Variants in CMIP observed in about 807,000 individuals in gnomAD.
CMIP encodes C-Maf-inducing protein.
In CMIP, 13 loss-of-function variants were observed where a neutral mutation model predicts 97.3. The observed-to-expected ratio is 0.13, with a 90% confidence interval of 0.09 to 0.21. The LOEUF (loss-of-function observed/expected upper bound fraction) is 0.21. CMIP is among the 10% of genes least tolerant of loss of function. The pLI is 1.00. For synonymous variants in CMIP, 538 were observed against 436.3 expected (o/e 1.23, Z -2.91); for missense variants, 847 against 1,024.9 (o/e 0.83, Z 2.37).
chr16:81,650,636 C>A (rs1366100169), intron 3 of CMIP, among the ~76,000 whole-genome samples: 3 of 152,118 alleles, frequency 2.0e-5, no homozygotes, highest in Non-Finnish European at 4.4e-5. Context: ...TTTTACGTTT[C>A]ATCTCCTTCA....
chr16:81,698,006 C>A (rs967326923), intron 14 of CMIP: 1 of 142,318 alleles, frequency 7.0e-6, no homozygotes, highest in Non-Finnish European at 1.5e-5. Context: ...CCCGCCCCCG[C>A]CCCCACCCTA....
chr16:81,481,530 G>A (rs1227641346), intron 1 of CMIP, among the ~76,000 whole-genome samples: 2 of 152,212 alleles, frequency 1.3e-5, no homozygotes, highest in Admixed American at 6.5e-5. Flanking sequence ...GAGCATCTGC[G>A]TGGGATGGGG....
rs2092468243 is a variant in CMIP at position 81,655,103 on chromosome 16, C to T, written c.640-2672C>T. 6.6e-6 allele frequency among the ~76,000 whole-genome samples: 1 copy of T among 152,190 alleles called. No homozygotes were observed. The highest frequency in any genetic ancestry group is 2.4e-5 in the African/African-American group (1 of 41,458). On this transcript the variant is annotated intron_variant, in intron 4 of 20. Transcript: ENST00000537098. This position sits in a 1 kb window ranked among gnomAD's most constrained non-coding sequence, Gnocchi z 4.9. Reference sequence around the variant, plus strand: ...TGCAAGGGCCTTTGATACATGGCCACATTTTCATTGTCATAGGAGATGTCT... The same window carrying T: ...TGCAAGGGCCTTTGATACATGGCCATATTTTCATTGTCATAGGAGATGTCT...
At chr16:81,534,126 C>G (rs950147259) in intron 1 of CMIP, among the ~76,000 whole-genome samples, 4 of 152,232 alleles carry the variant, frequency 2.6e-5, no homozygotes, top group African/African-American at 7.2e-5. Context: ...CCCGGGCAGC[C>G]TGTGGCCAGG....
chr16:81,446,679 C>T (rs904074381), intron 1 of CMIP, among the ~76,000 whole-genome samples: 1 of 152,138 alleles, frequency 6.6e-6, no homozygotes, highest in African/African-American at 2.4e-5. Context: ...AAAACCCAGC[C>T]AGGAAATAGG....
chr16:81,679,279 T>G (rs1161169548), intron 10 of CMIP, among the ~76,000 whole-genome samples: 1 of 150,416 alleles, frequency 6.6e-6, no homozygotes, highest in East Asian at 1.9e-4. Context: ...GTGTGTGTGT[T>G]AAATGCACAG....
At chr16:81,539,313 G>C (rs1007160549) in intron 1 of CMIP, among the ~76,000 whole-genome samples, 1 of 152,232 alleles carries the variant, frequency 6.6e-6, no homozygotes, top group Non-Finnish European at 1.5e-5. Flanking sequence ...TTCTAACCAG[G>C]CGTCCTTGGG....
intron 1 of CMIP, among the ~76,000 whole-genome samples, chr16:81,572,361 C>T (rs1301166898): frequency 6.6e-5 from 10 of 152,214 alleles, no homozygotes; most frequent in Non-Finnish European, 1.3e-4. Context: ...GAAAGAGCCC[C>T]CACCACCTTG....
At chr16:81,615,405 G>GGT (rs201365765) in intron 2 of CMIP, among the ~76,000 whole-genome samples, 14,498 of 143,912 alleles carry the variant, frequency 0.1, 835 homozygotes, top group Middle Eastern at 0.21. Context: ...TGTGGTGTAT[G>GGT]GTGTGTGTGT....
chr16:81,454,087 G>A (rs1218536866), intron 1 of CMIP, among the ~76,000 whole-genome samples: 1 of 152,154 alleles, frequency 6.6e-6, no homozygotes, highest in African/African-American at 2.4e-5. Flanking sequence ...CTGGTTCCTG[G>A]GTTTGAGGTT....
chr16:81,694,035 G>A (rs559301661), intron 13 of CMIP, among the ~76,000 whole-genome samples: 54 of 152,320 alleles, frequency 3.5e-4, no homozygotes, highest in Non-Finnish European at 7.2e-4. Context: ...CCCTGGGCCC[G>A]CATCATCTGA....
chr16:81,570,027 T>C (rs2091056337), intron 1 of CMIP, among the ~76,000 whole-genome samples: 2 of 152,288 alleles, frequency 1.3e-5, no homozygotes, highest in South Asian at 4.1e-4. Context: ...CAAAGCCAAC[T>C]GTCCACCAGG....
intron 1 of CMIP, chr16:81,495,251 A>G: frequency 7.5e-7 from 1 of 1,329,884 alleles, no homozygotes; most frequent in Non-Finnish European, 9.9e-7. Flanking sequence ...TGATGGTCAG[A>G]GTGGACCTCT....
intron 1 of CMIP, among the ~76,000 whole-genome samples, chr16:81,604,610 G>A (rs953187312): frequency 2.6e-5 from 4 of 152,148 alleles, no homozygotes; most frequent in Admixed American, 2.6e-4. Flanking sequence ...CTGAGGCAGA[G>A]AATTGCTTGA....
intron 1 of CMIP, among the ~76,000 whole-genome samples, chr16:81,543,106 G>A (rs2090479156): frequency 6.6e-6 from 1 of 152,236 alleles, no homozygotes; most frequent in Admixed American, 6.5e-5. Flanking sequence ...CTGGCTGGTG[G>A]CACTGTGTGT....
At chr16:81,505,770 C>A (rs3901653) in intron 1 of CMIP, among the ~76,000 whole-genome samples, 54 of 152,112 alleles carry the variant, frequency 3.6e-4, no homozygotes, top group African/African-American at 1.3e-3. Context: ...GCAGGTGGAT[C>A]ACCTGAGGTC....
intron 1 of CMIP, among the ~76,000 whole-genome samples, chr16:81,604,269 G>A (rs1209130005): frequency 3.3e-5 from 5 of 151,506 alleles, no homozygotes; most frequent in Admixed American, 6.6e-5. Flanking sequence ...GGTGGCGCAC[G>A]CCTGTAATCC....
intron 1 of CMIP, among the ~76,000 whole-genome samples, chr16:81,579,968 A>G (rs9926699): frequency 0.08 from 12,177 of 152,288 alleles, 1,080 homozygotes; most frequent in African/African-American, 0.22. Context: ...TCAAAAAAAG[A>G]AATTAAAAAA....
chr16:81,695,811 A>T (rs1442556162), intron 13 of CMIP: 1 of 153,010 alleles, frequency 6.5e-6, no homozygotes, highest in Non-Finnish European at 1.5e-5. Flanking sequence ...TGGCACTGAA[A>T]TTGCCCCCAG....
Sources: gnomAD v4.1 joint callset for allele counts (sites outside exome capture counted in the v4.1 genomes callset) on GRCh38, gnomAD v4.1.1 for gene constraint, Gnocchi (gnomAD v3.1) non-coding constraint, MANE v1.5 for transcripts, NCBI Gene and HGNC (gene_info 2026-07-23, HGNC 2026-07-21) for gene names.